Variants in DMD observed in about 807,000 individuals in gnomAD.
DMD encodes the protein dystrophin.
DMD carries 63 observed loss-of-function variants against 330.1 expected under a neutral mutation model. The observed-to-expected ratio is 0.19, with a 90% CI of 0.16 to 0.24. The LOEUF (loss-of-function observed/expected upper bound fraction) is 0.24. Among genes scored for constraint, DMD ranks in the 10% least tolerant of loss-of-function variants. The pLI is 1.00. For synonymous variants in DMD, 1,223 were observed against 959.8 expected, an observed-to-expected ratio of 1.27 and a Z score of -5.07; for missense variants, 3,344 against 2,684.1, an observed-to-expected ratio of 1.25 and a Z score of -5.43.
Position 31,807,331 on chromosome X carries a change from AT to A in DMD, c.7309+12643del, listed in dbSNP as rs753178163. ...CTGTTTAAACATATTTATTTAATTG[AT>A]TTTGACTTGCAGCAGGGTGCTGGAC... On this transcript the variant is annotated intron_variant, in intron 50 of 78. Coordinates refer to ENST00000357033, the MANE Select transcript of DMD (RefSeq NM_004006.3). 1.2e-3 allele frequency among the ~76,000 whole-genome samples: 131 copies of A among 111,839 alleles called. 2 individuals are homozygous for A. The highest frequency in any genetic ancestry group is 4.8e-3 in the Admixed American group (50 of 10,510).
intron 62 of DMD, among the ~76,000 whole-genome samples, chrX:31,314,764 G>GAAAGAA (rs1424885557): frequency 2.1e-5 from 2 of 96,327 alleles, no homozygotes; most frequent in Non-Finnish European, 4.0e-5. Flanking sequence ...GAGAGAGAGA[G>GAAAGAA]AGAGAGAGAG....
chrX:31,208,948 G>A (rs1331589903), intron 65 of DMD, among the ~76,000 whole-genome samples: 1 of 111,782 alleles, frequency 8.9e-6, no homozygotes, highest in African/African-American at 3.3e-5. Flanking sequence ...GCGCCAAACT[G>A]AAACTTCATA....
chrX:32,622,309 T>C (rs2058051248), intron 11 of DMD, among the ~76,000 whole-genome samples: 2 of 111,444 alleles, frequency 1.8e-5, no homozygotes, highest in Non-Finnish European at 3.8e-5. Context: ...GTGATACTAA[T>C]AAGCACGAAA....
chrX:31,408,329 GTTTTCTC>G (rs2061491924), intron 60 of DMD, among the ~76,000 whole-genome samples: 1 of 112,034 alleles, frequency 8.9e-6, no homozygotes, highest in Admixed American at 9.4e-5. Context: ...GTAGGGATCT[GTTTTCTC>G]TATTAAGCCT....
chrX:32,621,798 G>T (rs1205876845), intron 11 of DMD, among the ~76,000 whole-genome samples: 2 of 110,777 alleles, frequency 1.8e-5, no homozygotes, highest in Non-Finnish European at 3.8e-5. Context: ...CTTCATTAGT[G>T]GTTCTGAAAG....
chrX:31,778,565 ATTTTT>A (rs36164865), intron 50 of DMD, among the ~76,000 whole-genome samples: 11 of 63,045 alleles, frequency 1.7e-4, no homozygotes, highest in African/African-American at 5.3e-4. Context: ...AAGTCCTGAA[ATTTTT>A]TTTTTTTTTT....
intron 9 of DMD, among the ~76,000 whole-genome samples, chrX:32,697,435 A>C (rs756409845): frequency 1.8e-5 from 2 of 112,174 alleles, no homozygotes; most frequent in Non-Finnish European, 3.8e-5. Flanking sequence ...TAGAATGAAT[A>C]GATAAAATAA....
chrX:33,248,115 C>T (rs927760122), intron 1 of DMD, among the ~76,000 whole-genome samples: 7 of 111,305 alleles, frequency 6.3e-5, no homozygotes, highest in African/African-American at 9.8e-5. Context: ...GATCTCAGCT[C>T]ACTGTAAGCT....
chrX:32,388,854 G>A (rs1233596754), intron 32 of DMD, among the ~76,000 whole-genome samples: 1 of 111,058 alleles, frequency 9.0e-6, no homozygotes, highest in Non-Finnish European at 1.9e-5. Flanking sequence ...CATCTCAGTT[G>A]GTGAGTTTCC....
intron 55 of DMD, among the ~76,000 whole-genome samples, chrX:31,618,140 G>C (rs1205679777): frequency 1.8e-5 from 2 of 109,089 alleles, no homozygotes; most frequent in Non-Finnish European, 3.8e-5. Context: ...TATTATCTGG[G>C]TGACAAAATA....
At chrX:32,550,072 T>A (rs1372503542) in intron 16 of DMD, among the ~76,000 whole-genome samples, 1 of 111,707 alleles carries the variant, frequency 9.0e-6, no homozygotes, top group Non-Finnish European at 1.9e-5. Context: ...ACCTAGATGG[T>A]ACAGACTACT....
chrX:31,881,254 A>G (rs1015030613), intron 47 of DMD, among the ~76,000 whole-genome samples: 1 of 111,229 alleles, frequency 9.0e-6, no homozygotes, highest in Non-Finnish European at 1.9e-5. Context: ...TTAACTTATC[A>G]TTAATGAAAA....
chrX:32,750,303 T>A (rs1332428621), intron 7 of DMD, among the ~76,000 whole-genome samples: 1 of 111,932 alleles, frequency 8.9e-6, no homozygotes, highest in African/African-American at 3.2e-5. Context: ...AAAATATAAA[T>A]ACATTTAAAA....
At chrX:32,260,583 A>C (rs1174550266) in intron 43 of DMD, among the ~76,000 whole-genome samples, 1 of 111,563 alleles carries the variant, frequency 9.0e-6, no homozygotes, top group Admixed American at 9.6e-5. Context: ...TTGAATCTAG[A>C]ATTGAGAAAG....
chrX:32,533,573 C>T (rs767976276), intron 17 of DMD, among the ~76,000 whole-genome samples: 2 of 112,092 alleles, frequency 1.8e-5, no homozygotes, highest in Admixed American at 9.5e-5. Context: ...TTTATTAGTA[C>T]TTCTTCATGA....
chrX:32,953,566 C>T (rs1458974738), intron 2 of DMD, among the ~76,000 whole-genome samples: 2 of 111,831 alleles, frequency 1.8e-5, no homozygotes, highest in African/African-American at 6.5e-5. Flanking sequence ...TTAAAAAATA[C>T]ATTGCTAGTC....
intron 2 of DMD, among the ~76,000 whole-genome samples, chrX:32,969,766 C>G (rs2092319351): frequency 1.1e-5 from 1 of 94,322 alleles, no homozygotes; most frequent in Admixed American, 1.1e-4. Flanking sequence ...CACATTTCAA[C>G]ATCTGTTTAT....
intron 7 of DMD, among the ~76,000 whole-genome samples, chrX:32,750,229 A>T (rs2070636305): frequency 8.9e-6 from 1 of 112,107 alleles, no homozygotes; most frequent in Non-Finnish European, 1.9e-5. Flanking sequence ...AGAGTTAGAA[A>T]ACTGAATCAT....
chrX:32,021,399 T>C (rs1440783179), intron 44 of DMD, among the ~76,000 whole-genome samples: 1 of 112,024 alleles, frequency 8.9e-6, no homozygotes, highest in Non-Finnish European at 1.9e-5. Context: ...CATTGTTTAC[T>C]AGAAATTCAA....
Sources: allele counts gnomAD v4.1 joint callset (sites outside exome capture counted in the v4.1 genomes callset), GRCh38; gene constraint gnomAD v4.1.1; transcripts MANE v1.5; gene names NCBI Gene and HGNC (gene_info 2026-07-23, HGNC 2026-07-21).